Variants in MYRF observed in about 807,000 individuals in gnomAD.
MYRF encodes the protein myelin regulatory factor.
In MYRF, 16 loss-of-function variants were observed where a neutral mutation model predicts 126.3. That is an observed-to-expected ratio of 0.13 (90% CI 0.09 to 0.19). MYRF has a LOEUF of 0.19. Ranked by LOEUF, MYRF falls within the 10% of genes least tolerant of loss-of-function variation. The pLI, the probability that MYRF is intolerant of heterozygous loss-of-function variation, is 1.00. For synonymous variants in MYRF, 608 were observed against 635.3 expected (o/e 0.96, Z 0.65); for missense variants, 1,104 against 1,547.0 (o/e 0.71, Z 4.80).
chr11:61,767,835 A>T (rs1175615551), intron 3 of MYRF, among the ~76,000 whole-genome samples: 2 of 149,682 alleles, frequency 1.3e-5, no homozygotes, highest in African/African-American at 4.9e-5. Context: ...AAAAAAAAAA[A>T]GGCCAGGTGC....
chr11:61,768,507 G>T (rs1439541214), intron 3 of MYRF: 1 of 151,960 alleles, frequency 6.6e-6, no homozygotes, highest in Non-Finnish European at 1.5e-5. Context: ...AGGCCCCGAA[G>T]GTGGGTGGGT....
At chr11:61,753,100 T>C (rs573611392) in intron 1 of MYRF, among the ~76,000 whole-genome samples, 1 of 152,178 alleles carries the variant, frequency 6.6e-6, no homozygotes, top group African/African-American at 2.4e-5. Flanking sequence ...TGTGACACTC[T>C]CGCCCCCAGC....
chr11:61,773,911 G>C (rs530157902), intron 7 of MYRF, 56 bp from the exon 8 acceptor site: 8 of 1,481,750 alleles, frequency 5.4e-6, no homozygotes, highest in Non-Finnish European at 6.4e-6. Flanking sequence ...AGGAGGAACC[G>C]ATGTTCCAGG....
At chr11:61,784,058 C>CG in intron 24 of MYRF, 133 bp downstream of exon 24, 7 of 1,150,604 alleles carry the variant, frequency 6.1e-6, no homozygotes, top group Non-Finnish European at 8.8e-6. Flanking sequence ...TAAGTGCTGA[C>CG]TTCATTGCCT....
Position 61,781,725 on chromosome 11 carries a change from A to G in MYRF, c.2917A>G (p.Lys973Glu). Residue 973 changes from lysine to glutamate, a missense_variant, in exon 22 of 27, where the codon AAG becomes GAG. Lys to Glu is a moderately conservative substitution (Grantham distance 56). Around this residue, in one of 10 missense-constraint regions of MYRF, gnomAD observed 323 missense variants for 383.1 expected, o/e 0.84. Transcript: ENST00000278836. ...CTTCCCTGGGGGGCAGGGCAAAGCC[A>G]AGAACAGTCCCAGCCTTGGTTTCCA... ...VPFPGGQGKAKNSPSLGFHGR... is the reference protein window; with the variant it reads ...VPFPGGQGKAENSPSLGFHGR... The G allele has an allele frequency of 6.2e-7, 1 of 1,613,324 alleles. No homozygotes were observed. Among genetic ancestry groups the G allele is most frequent in the South Asian group, 1.1e-5 (1 of 91,086 alleles).
At chr11:61,775,263 C>A (rs1158251223) in intron 8 of MYRF, among the ~76,000 whole-genome samples, 2 of 152,172 alleles carry the variant, frequency 1.3e-5, no homozygotes, top group Non-Finnish European at 2.9e-5. Flanking sequence ...TTCCAAGCTG[C>A]ACCACGGGGG....
At position 61,765,629 on chromosome 11, in the gene MYRF, C is replaced by T. The variant is rs1482152459; in HGVS notation, c.51C>T (p.His17=). Residue 17 remains histidine, a synonymous_variant, in exon 2 of 27, where the codon CAC becomes CAT. Transcript: ENST00000278836. ...CCCATCTCTCCTGCCCTGCAGGCCA[C>T]GACATCAACGGTGCCCTGGAGCCCT... ...TEALQRFFEG[H]DINGALEPSN... 3.1e-6 allele frequency: 5 copies of T among 1,612,144 alleles called. No individual in the cohort carries two copies. Among genetic ancestry groups the T allele is most frequent in the African/African-American group, 1.3e-5 (1 of 74,982 alleles).
chr11:61,764,288 C>T (rs2065988953), intron 1 of MYRF, among the ~76,000 whole-genome samples: 1 of 152,210 alleles, frequency 6.6e-6, no homozygotes, highest in South Asian at 2.1e-4. Context: ...GACCCCAGGG[C>T]TCTGGGGCTG....
chr11:61,762,246 C>A (rs1275388271), intron 1 of MYRF, among the ~76,000 whole-genome samples: 1 of 151,812 alleles, frequency 6.6e-6, no homozygotes, highest in East Asian at 1.9e-4. Context: ...CTGTCGGGGG[C>A]AGGCAGGGGA....
chr11:61,758,185 G>T (rs547429204), intron 1 of MYRF, among the ~76,000 whole-genome samples: 1 of 152,276 alleles, frequency 6.6e-6, no homozygotes, highest in African/African-American at 2.4e-5. Flanking sequence ...CGGACATTCT[G>T]TCCTCCCTGT....
Position 61,765,653 on chromosome 11 carries a change from C to T in MYRF, c.75C>T (p.Pro25=). The change falls in exon 2 of 27, where the codon CCC becomes CCT. Residue 25 remains proline, a synonymous_variant. Transcript: ENST00000278836. ...EGHDINGALE[P]SNIDTSILEE... is the part of the protein sequence containing the mutation. ...ACGACATCAACGGTGCCCTGGAGCC[C>T]TCCAACATAGACACCAGCATCCTGG... The T allele has an allele frequency of 6.2e-7, 1 of 1,613,088 alleles. No homozygotes were observed. Among genetic ancestry groups the T allele is most frequent in the Non-Finnish European group, 8.5e-7 (1 of 1,179,870 alleles).
At chr11:61,771,053 C>T (rs535325339) in intron 5 of MYRF, among the ~76,000 whole-genome samples, 2 of 152,304 alleles carry the variant, frequency 1.3e-5, no homozygotes, top group South Asian at 2.1e-4. Flanking sequence ...GGAAGGAGTG[C>T]CGTGCGGAAG....
At chr11:61,773,002 C>T (rs910944182) in intron 7 of MYRF, among the ~76,000 whole-genome samples, 1 of 80,866 alleles carries the variant, frequency 1.2e-5, no homozygotes, top group Non-Finnish European at 2.3e-5. Context: ...CCAACAGTTG[C>T]TCTTTTTTTT....
At position 61,786,215 on chromosome 11, in the gene MYRF, G is replaced by A. The variant is rs1450860404; in HGVS notation, c.*72G>A. The A allele has an allele frequency of 7.0e-6, 10 of 1,431,990 alleles. No individual in the cohort carries two copies. The highest frequency in any genetic ancestry group is 4.2e-5 in the African/African-American group (3 of 70,884). The allele number at this position is 1,431,990 out of a possible 1,614,324, so 88.7% of individuals were successfully genotyped here. A position where few individuals can be genotyped will look rare whatever the true frequency, so the allele number is the denominator to read the frequency against. On this transcript the variant is annotated 3_prime_UTR_variant, in exon 27 of 27. Transcript: ENST00000278836. This position sits in a 1 kb window ranked among gnomAD's most constrained non-coding sequence, Gnocchi z 4.5. ...GCACCCCCCAACACTGGATGCAATG[G>A]TGTTACACTGGAGCCCGCTGCAGGC...
rs766292882 is a variant in MYRF at position 61,786,082 on chromosome 11, C to T, written c.3395C>T (p.Ser1132Leu). 3 of 1,614,090 alleles carry T rather than the reference C, an allele frequency of 1.9e-6. No individual in the cohort carries two copies. The highest frequency in any genetic ancestry group is 2.5e-6 in the Non-Finnish European group (3 of 1,180,024). ...VALLGQANCS[S>L]EALAQPATDY... ...ACCCAGGGTCAGGCCAACTGCAGTT[C>T]AGAGGCTCTCGCCCAGCCAGCCACA... The change falls in exon 27 of 27, where the codon TCA becomes TTA. Residue 1132 changes from serine to leucine, a missense_variant. Physicochemically the swap from Ser to Leu is moderately radical, Grantham distance 145. Coordinates refer to ENST00000278836, the MANE Select transcript of MYRF (RefSeq NM_001127392.3). This position sits in a 1 kb window ranked among gnomAD's most constrained non-coding sequence, Gnocchi z 4.5.
At position 61,766,194 on chromosome 11, in the gene MYRF, C is replaced by T; in HGVS notation, c.371C>T (p.Ala124Val). The T allele has an allele frequency of 6.2e-7, 1 of 1,610,040 alleles. No homozygotes were observed. Among genetic ancestry groups the T allele is most frequent in the South Asian group, 1.1e-5 (1 of 90,928 alleles). ...GGGGGCACCGGGCCCCCCATCAAGG[C>T]TGAGCCCAAGGCTCCCTATGCCCCA... ...FPGGTGPPIK[A>V]EPKAPYAPGT... Residue 124 changes from alanine (A) to valine (V), a missense_variant, in exon 3 of 27, where the codon GCT becomes GTT. Transcript: ENST00000278836.
Position 61,779,772 on chromosome 11 carries a change from C to T in MYRF, c.2248-70C>T, listed in dbSNP as rs558170909. ...CCCCCTTAACCGCTCCTCCGACCTC[C>T]AGCAGAGCCCACTGGGGACAGCCTC... On this transcript the variant is annotated intron_variant, in intron 16 of 26. Coordinates refer to ENST00000278836, the MANE Select transcript of MYRF (RefSeq NM_001127392.3). The T allele has an allele frequency of 2.7e-6, 4 of 1,468,234 alleles. No individual in the cohort carries two copies. The South Asian group carries it at 3.6e-5, about 13-fold the overall frequency. 91.0% of individuals were successfully genotyped at this position (1,468,234 alleles called of 1,614,324 possible).
chr11:61,771,479 C>T (rs549532247), intron 5 of MYRF, 21 bp from the exon 6 acceptor site: 12 of 1,601,354 alleles, frequency 7.5e-6, no homozygotes, highest in South Asian at 6.7e-5. Flanking sequence ...GCCCCCACGG[C>T]GCACACTTCT....
At chr11:61,782,966 G>C (rs1435842286) in intron 22 of MYRF, 4 of 153,090 alleles carry the variant, frequency 2.6e-5, no homozygotes, top group Non-Finnish European at 5.8e-5. Flanking sequence ...TGAGCAAGAA[G>C]TCCTGTCTCC....
Sources: gnomAD v4.1 joint callset for allele counts (sites outside exome capture counted in the v4.1 genomes callset) on GRCh38, gnomAD v4.1.1 for gene constraint, gnomAD v4.1.1 regional missense constraint, Gnocchi (gnomAD v3.1) non-coding constraint, MANE v1.5 for transcripts, NCBI Gene and HGNC (gene_info 2026-07-23, HGNC 2026-07-21) for gene names.